Variants in PDS5A observed in about 807,000 individuals in gnomAD.
PDS5A encodes the protein sister chromatid cohesion protein PDS5 homolog A.
PDS5A carries 42 observed loss-of-function variants against 167.1 expected under a neutral mutation model. The ratio of observed to expected loss-of-function variants is 0.25; its 90% CI spans 0.20 to 0.33. The LOEUF (loss-of-function observed/expected upper bound fraction) is 0.33, where lower values mean the gene tolerates loss of function less well. PDS5A is among the 10% of genes least tolerant of loss of function. The pLI is 1.00. For missense variants in PDS5A, 1,033 were observed against 1,605.9 expected (o/e 0.64, Z 6.10); for synonymous variants, 553 against 554.6 (o/e 1.00, Z 0.04).
chr4:39,905,355 C>T (rs1182668238), intron 11 of PDS5A, among the ~76,000 whole-genome samples: 10 of 151,804 alleles, frequency 6.6e-5, no homozygotes, highest in Non-Finnish European at 1.0e-4. Flanking sequence ...GTCAGGAGTT[C>T]GAGACCAGCC....
chr4:39,976,593 T>C lies in PDS5A; in HGVS notation c.-16A>G, dbSNP rs1365807596. 19 of 1,605,968 alleles carry C rather than the reference T, an allele frequency of 1.2e-5. 1 individual carries two copies. The highest frequency in any genetic ancestry group is 1.3e-5 in the African/African-American group (1 of 74,808). ...TGAAGTCCATCCTGGGGGACAACTT[T>C]TGGTTCACAGTCCTCTACCGGCCTC... On this transcript the variant is annotated 5_prime_UTR_variant, in exon 2 of 33. Transcript: ENST00000303538.
In PDS5A at chr4:39,910,302, A is replaced by G; in HGVS notation, c.1029T>C (p.Ser343=). The change falls in exon 10 of 33, where the codon AGT becomes AGC. Residue 343 remains serine (S), a synonymous_variant. Coordinates refer to ENST00000303538, the MANE Select transcript of PDS5A (RefSeq NM_001100399.2). ...TTAAACAATGACTGGCAAATTTCAC[A>G]CTTTCTAATCTCACAGGAACATGAA... is the stretch of plus-strand genomic sequence containing the variant. ...NDIHVPVRLE[S]VKFASHCLMN... is the part of the protein sequence containing the mutation. The G allele has an allele frequency of 6.3e-7, 1 of 1,584,124 alleles. No homozygotes were observed. Among genetic ancestry groups the G allele is most frequent in the South Asian group, 1.1e-5 (1 of 88,162 alleles).
At chr4:39,857,444 C>A (rs1461304506) in intron 26 of PDS5A, among the ~76,000 whole-genome samples, 2 of 149,616 alleles carry the variant, frequency 1.3e-5, no homozygotes, top group African/African-American at 2.5e-5. Context: ...AAATACAAGA[C>A]AAAGAGGCAA....
At position 39,917,039 on chromosome 4, in the gene PDS5A, C is replaced by A. The variant is rs2109702252; in HGVS notation, c.876+9G>T. 3.5e-6 allele frequency: 5 copies of A among 1,413,540 alleles called. No individual in the cohort carries two copies. The highest frequency in any genetic ancestry group is 2.8e-5 in the East Asian group (1 of 35,552). 87.6% of individuals were successfully genotyped at this position (1,413,540 alleles called of 1,614,324 possible). On this transcript the variant is annotated intron_variant, in intron 8 of 32. Transcript: ENST00000303538. ...TTAAAAAAAAAAAAAGAAAACTGGT[C>A]AATCTTACCTTTAGTTTGAATTCAA...
chr4:39,891,523 C>T (rs563467233), intron 16 of PDS5A, among the ~76,000 whole-genome samples: 18 of 152,102 alleles, frequency 1.2e-4, no homozygotes, highest in African/African-American at 4.3e-4. Context: ...TGGCGCATGC[C>T]TGTAATCCCA....
In PDS5A at chr4:39,849,669, TA is replaced by T; in HGVS notation, c.3087-18del. ...CATAGGCACCTAAATGTAAACATATTAAAGAGACTAGACGTAGATAGATGCT... is the reference window on the plus strand; with the variant it reads ...CATAGGCACCTAAATGTAAACATATTAAGAGACTAGACGTAGATAGATGCT... On this transcript the variant is annotated intron_variant, in intron 26 of 32. Coordinates refer to ENST00000303538, the MANE Select transcript of PDS5A (RefSeq NM_001100399.2). 6.3e-7 allele frequency: 1 copy of T among 1,587,930 alleles called. No individual in the cohort carries two copies. Among genetic ancestry groups the T allele is most frequent in the Non-Finnish European group, 8.6e-7 (1 of 1,157,982 alleles).
At chr4:39,928,630 T>C (rs912410443) in intron 2 of PDS5A, among the ~76,000 whole-genome samples, 2 of 152,076 alleles carry the variant, frequency 1.3e-5, no homozygotes, top group African/African-American at 4.8e-5. Context: ...TCATTTTCCA[T>C]GCTGGACAAC....
chr4:39,950,190 C>T (rs569094087), intron 2 of PDS5A, among the ~76,000 whole-genome samples: 42 of 152,190 alleles, frequency 2.8e-4, no homozygotes, highest in African/African-American at 9.6e-4. Flanking sequence ...TGTGAGCCAC[C>T]GCACCCAGCC....
intron 13 of PDS5A, 67 bp from the exon 14 acceptor site, chr4:39,900,574 C>G (rs1400146882): frequency 5.8e-6 from 6 of 1,036,244 alleles, no homozygotes; most frequent in Non-Finnish European, 8.8e-6. Context: ...GCTTTACAAC[C>G]TTTCTTGTTG....
intron 32 of PDS5A, among the ~76,000 whole-genome samples, chr4:39,836,079 G>A (rs760762705): frequency 6.6e-5 from 10 of 152,288 alleles, no homozygotes; most frequent in East Asian, 1.9e-4. Flanking sequence ...ACAGTTGGGC[G>A]TTTATTTTGT....
chr4:39,968,659 C>T (rs533759052), intron 2 of PDS5A, among the ~76,000 whole-genome samples: 8 of 146,608 alleles, frequency 5.5e-5, no homozygotes, highest in East Asian at 2.1e-4. Context: ...CTCGAACTCC[C>T]GACCTCAGGT....
At chr4:39,951,945 A>T (rs1028481972) in intron 2 of PDS5A, among the ~76,000 whole-genome samples, 1 of 150,566 alleles carries the variant, frequency 6.6e-6, no homozygotes, top group South Asian at 2.1e-4. Context: ...ACTACTGGTG[A>T]TGACAACACT....
chr4:39,857,502 C>A (rs1273014212), intron 26 of PDS5A, among the ~76,000 whole-genome samples: 1 of 151,962 alleles, frequency 6.6e-6, no homozygotes, highest in Non-Finnish European at 1.5e-5. Context: ...AGAAAATATA[C>A]AGCTATTTTG....
At chr4:39,830,503 C>A (rs943636961) in intron 32 of PDS5A, among the ~76,000 whole-genome samples, 3 of 152,196 alleles carry the variant, frequency 2.0e-5, no homozygotes, top group African/African-American at 7.2e-5. Context: ...TGGCTCACTG[C>A]AACCTCCAAC....
At chr4:39,939,930 G>A (rs2109763805) in intron 2 of PDS5A, among the ~76,000 whole-genome samples, 1 of 152,248 alleles carries the variant, frequency 6.6e-6, no homozygotes, top group East Asian at 1.9e-4. Context: ...CAGAGACTCT[G>A]TCTAAATAAA....
At chr4:39,844,239 C>T (rs113275678) in intron 30 of PDS5A, among the ~76,000 whole-genome samples, 4,720 of 152,226 alleles carry the variant, frequency 0.031, 101 homozygotes, top group Middle Eastern at 0.051. Flanking sequence ...CTTTGGGAGG[C>T]TGAGGCAGGC....
chr4:39,908,939 C>G (rs905072484), intron 10 of PDS5A: 29 of 162,330 alleles, frequency 1.8e-4, no homozygotes, highest in Admixed American at 6.8e-4. Context: ...ACTTGGGAGG[C>G]TAAGGAGGGA....
At chr4:39,925,388 G>A (rs1725366802) in intron 5 of PDS5A, among the ~76,000 whole-genome samples, 1 of 152,122 alleles carries the variant, frequency 6.6e-6, no homozygotes, top group African/African-American at 2.4e-5. Flanking sequence ...CAAAGTTAGT[G>A]AGCTTAAAGA....
chr4:39,875,384 G>C (rs9991003), intron 19 of PDS5A, among the ~76,000 whole-genome samples: 5 of 152,022 alleles, frequency 3.3e-5, no homozygotes, highest in African/African-American at 1.2e-4. Context: ...TACAATGAAC[G>C]TAAGTATTTT....
Sources: allele counts gnomAD v4.1 joint callset (sites outside exome capture counted in the v4.1 genomes callset), GRCh38; gene constraint gnomAD v4.1.1; transcripts MANE v1.5; gene names NCBI Gene and HGNC (gene_info 2026-07-23, HGNC 2026-07-21).